MGAT5: variants seen among roughly 807,000 people sequenced by gnomAD.
MGAT5 encodes the protein alpha-1,6-mannosylglycoprotein 6-beta-N-acetylglucosaminyltransferase A.
MGAT5 carries 30 observed loss-of-function variants against 94.3 expected under a neutral mutation model. The ratio of observed to expected loss-of-function variants is 0.32; its 90% confidence interval spans 0.24 to 0.43. The LOEUF (loss-of-function observed/expected upper bound fraction) is 0.43, where lower values mean the gene tolerates loss of function less well. MGAT5 is among the 20% of genes least tolerant of loss of function. MGAT5 has a pLI of 1.00. For missense variants in MGAT5, 691 were observed against 905.5 expected, an observed-to-expected ratio of 0.76 and a Z score of 3.04; for synonymous variants, 310 against 322.9, an observed-to-expected ratio of 0.96 and a Z score of 0.43.
intron 1 of MGAT5, among the ~76,000 whole-genome samples, chr2:134,132,207 A>G (rs1686207701): frequency 1.3e-5 from 2 of 152,236 alleles, no homozygotes. Flanking sequence ...ACTTAAGTTC[A>G]AGAACTTGGC....
chr2:134,148,837 C>T (rs1183464012), intron 1 of MGAT5, among the ~76,000 whole-genome samples: 1 of 150,690 alleles, frequency 6.6e-6, no homozygotes, highest in Non-Finnish European at 1.5e-5. Context: ...CGGCTCACCG[C>T]AACCTCTGCC....
chr2:134,264,352 T>G (rs887650545), intron 1 of MGAT5, among the ~76,000 whole-genome samples: 1 of 152,168 alleles, frequency 6.6e-6, no homozygotes. Context: ...GACTGTATAC[T>G]TTTCGTTTTT....
intron 7 of MGAT5, 117 bp from the exon 8 acceptor site, chr2:134,344,813 G>C: frequency 8.2e-7 from 1 of 1,213,358 alleles, no homozygotes. Context: ...GGGCCATGCT[G>C]TCATCTCTAA....
intron 1 of MGAT5, among the ~76,000 whole-genome samples, chr2:134,201,599 A>G (rs1238407302): frequency 2.6e-5 from 4 of 151,966 alleles, no homozygotes; most frequent in African/African-American, 9.7e-5. Flanking sequence ...AATTTTTATG[A>G]TTTGTCTTCA....
chr2:134,126,969 C>A (rs182237558), intron 1 of MGAT5, among the ~76,000 whole-genome samples: 80 of 152,074 alleles, frequency 5.3e-4, no homozygotes, highest in African/African-American at 1.8e-3. Context: ...TTCTGAATGA[C>A]CGATTCTTTC....
chr2:134,233,229 C>T (rs1433336308), intron 1 of MGAT5, among the ~76,000 whole-genome samples: 1 of 151,938 alleles, frequency 6.6e-6, no homozygotes, highest in African/African-American at 2.4e-5. Flanking sequence ...TAGTGTCTAC[C>T]AGGGAATGGC....
At chr2:134,381,269 C>G (rs908014995) in intron 10 of MGAT5, among the ~76,000 whole-genome samples, 6 of 151,796 alleles carry the variant, frequency 4.0e-5, no homozygotes, top group Admixed American at 2.0e-4. Context: ...AGTTAGCCAT[C>G]ATCATGTTTG....
chr2:134,136,228 T>C (rs1367378266), intron 1 of MGAT5, among the ~76,000 whole-genome samples: 1 of 152,172 alleles, frequency 6.6e-6, no homozygotes, highest in African/African-American at 2.4e-5. Context: ...TATTATTTAA[T>C]GTGTTAAGAT....
intron 1 of MGAT5, among the ~76,000 whole-genome samples, chr2:134,263,981 T>C (rs115932604): frequency 7.3e-5 from 11 of 150,648 alleles, no homozygotes; most frequent in Admixed American, 4.0e-4. Context: ...TATGCTTTTT[T>C]AAAAATTAAG....
intron 2 of MGAT5, among the ~76,000 whole-genome samples, chr2:134,311,554 A>G (rs1686664189): frequency 6.6e-6 from 1 of 151,618 alleles, no homozygotes; most frequent in Admixed American, 6.6e-5. Flanking sequence ...TCTTGCATCC[A>G]CTCTCCTCCA....
intron 1 of MGAT5, among the ~76,000 whole-genome samples, chr2:134,137,301 T>G (rs1351502920): frequency 6.6e-6 from 1 of 152,200 alleles, no homozygotes; most frequent in Non-Finnish European, 1.5e-5. Flanking sequence ...GGGCTTGGCT[T>G]GGAGGTAGTC....
At chr2:134,418,903 T>C (rs1258700916) in intron 12 of MGAT5, among the ~76,000 whole-genome samples, 1 of 152,206 alleles carries the variant, frequency 6.6e-6, no homozygotes, top group Non-Finnish European at 1.5e-5. Context: ...CTTGATCTCA[T>C]GTCCAGGTGG....
intron 7 of MGAT5, 52 bp from the exon 8 acceptor site, chr2:134,344,878 T>C: frequency 1.3e-6 from 2 of 1,587,254 alleles, no homozygotes; most frequent in Non-Finnish European, 1.7e-6. Flanking sequence ...TATTACCTTT[T>C]AAGTAAATGA....
At chr2:134,154,543 G>A (rs2139311) in intron 1 of MGAT5, among the ~76,000 whole-genome samples, 64,354 of 152,044 alleles carry the variant, frequency 0.42, 15,402 homozygotes, top group African/African-American at 0.64. Context: ...TTGCCTGCAC[G>A]GAGCTGTCAG....
chr2:134,289,268 G>C (rs1253497621), intron 2 of MGAT5, among the ~76,000 whole-genome samples: 1 of 152,160 alleles, frequency 6.6e-6, no homozygotes, highest in African/African-American at 2.4e-5. Context: ...CTCTGACTTT[G>C]AGAAGGCAAC....
chr2:134,148,158 T>G (rs1285176959), intron 1 of MGAT5, among the ~76,000 whole-genome samples: 1 of 152,252 alleles, frequency 6.6e-6, no homozygotes, highest in Non-Finnish European at 1.5e-5. Context: ...AAATGTTATT[T>G]TGAGGAAACA....
chr2:134,400,260 G>C (rs1359216241), intron 10 of MGAT5, among the ~76,000 whole-genome samples: 1 of 152,170 alleles, frequency 6.6e-6, no homozygotes, highest in African/African-American at 2.4e-5. Context: ...ATTCTACTCA[G>C]AACTCTTACA....
At chr2:134,353,994 G>A (rs1003480177) in intron 9 of MGAT5, among the ~76,000 whole-genome samples, 8 of 152,108 alleles carry the variant, frequency 5.3e-5, no homozygotes, top group African/African-American at 1.9e-4. Context: ...TGTGACAAAG[G>A]CCTGGAGTCC....
chr2:134,305,523 A>C (rs913211607), intron 2 of MGAT5, among the ~76,000 whole-genome samples: 5 of 152,178 alleles, frequency 3.3e-5, no homozygotes, highest in African/African-American at 1.2e-4. Flanking sequence ...CAGTTGCAAA[A>C]AGGAAATACA....
Sources: gnomAD v4.1 joint callset for allele counts (sites outside exome capture counted in the v4.1 genomes callset) on GRCh38, gnomAD v4.1.1 for gene constraint, MANE v1.5 for transcripts, NCBI Gene and HGNC (gene_info 2026-07-23, HGNC 2026-07-21) for gene names.